The following POFUT4 variants were observed in gnomAD, a reference collection of about 807,000 sequenced individuals.
POFUT4 encodes the protein GDP-fucose protein O-fucosyltransferase 4.
chr10:73,772,816 C>T, the POFUT4 span: 1 of 1,612,050 alleles, frequency 6.2e-7, no homozygotes. Context: ...ACGGCCCGGG[C>T]ATCCGCCTCT....
chr10:73,778,391 CAAAA>C, the POFUT4 span, among the ~76,000 whole-genome samples: 1 of 43,064 alleles, frequency 2.3e-5, no homozygotes, highest in East Asian at 6.5e-4. Context: ...AACTCCATCC[CAAAA>C]AAAAAAAAAA....
At chr10:73,775,819 T>A in the POFUT4 span, 1 of 941,190 alleles carries the variant, frequency 1.1e-6, no homozygotes, top group Non-Finnish European at 1.6e-6. Flanking sequence ...CAGTTTTATC[T>A]ATTAAGATTT....
At chr10:73,775,106 G>A in the POFUT4 span, 2 of 339,032 alleles carry the variant, frequency 5.9e-6, no homozygotes, top group Non-Finnish European at 1.1e-5. Context: ...AAATATTCAG[G>A]TTATGTCTTT....
chr10:73,773,158 C>T, the POFUT4 span: 22 of 1,570,030 alleles, frequency 1.4e-5, no homozygotes, highest in Non-Finnish European at 1.7e-5. Context: ...CAGGGCCGCA[C>T]CCTCATGACA....
the POFUT4 span, chr10:73,773,257 C>T: frequency 1.2e-6 from 2 of 1,613,918 alleles, no homozygotes; most frequent in African/African-American, 1.3e-5. Context: ...GACACAGCCA[C>T]GGCCACCACC....
the POFUT4 span, chr10:73,773,287 C>T: frequency 5.0e-6 from 8 of 1,614,160 alleles, no homozygotes; most frequent in South Asian, 4.4e-5. Flanking sequence ...GAGCTCTTGG[C>T]TTTCTTGTCC....
At chr10:73,773,674 G>A in the POFUT4 span, 374 of 1,614,090 alleles carry the variant, frequency 2.3e-4, 1 homozygote, top group Non-Finnish European at 3.0e-4. Flanking sequence ...GAACTGGCTC[G>A]GCTGGATGCC....
chr10:73,775,673 G>T, the POFUT4 span: 5 of 1,614,188 alleles, frequency 3.1e-6, no homozygotes, highest in East Asian at 6.7e-5. Context: ...TCATGAAGAG[G>T]CAACATCTCT....
the POFUT4 span, chr10:73,779,671 ATTTAGAGTGCATAATTATTACAC>A: frequency 4.8e-4 from 73 of 152,366 alleles, no homozygotes; most frequent in African/African-American, 1.7e-3. Flanking sequence ...GCAGATGCTA[ATTTAGAGTGCATAATTATTACAC>A]AAGTACAGAC....
At chr10:73,775,655 T>G in the POFUT4 span, 1 of 1,614,212 alleles carries the variant, frequency 6.2e-7, no homozygotes, top group East Asian at 2.2e-5. Context: ...ATTACCTACA[T>G]GAAATCTTCA....
the POFUT4 span, chr10:73,775,553 G>A: frequency 3.1e-6 from 5 of 1,614,232 alleles, no homozygotes; most frequent in Non-Finnish European, 4.2e-6. Context: ...GGAAAGAGAT[G>A]TGGCTGCAAG....
the POFUT4 span, among the ~76,000 whole-genome samples, chr10:73,778,659 A>G: frequency 9.9e-5 from 15 of 152,196 alleles, no homozygotes; most frequent in African/African-American, 2.7e-4. Context: ...AGATGCTTCA[A>G]CAACTAGGGT....
At chr10:73,774,300 C>G in the POFUT4 span, 1 of 152,718 alleles carries the variant, frequency 6.5e-6, no homozygotes, top group South Asian at 2.1e-4. Context: ...TGTTAACCAG[C>G]CATAATTTTT....
chr10:73,772,451 G>C, the POFUT4 span: 1 of 1,562,124 alleles, frequency 6.4e-7, no homozygotes, highest in Non-Finnish European at 8.6e-7. Context: ...GGAGTGGGCG[G>C]AACCGTGGGA....
the POFUT4 span, chr10:73,775,239 A>G: frequency 4.9e-4 from 299 of 614,056 alleles, 1 homozygote; most frequent in Admixed American, 8.6e-4. Flanking sequence ...GGAGACTGCC[A>G]CTTCCAGTCT....
the POFUT4 span, chr10:73,772,497 C>A: frequency 6.4e-7 from 1 of 1,560,042 alleles, no homozygotes; most frequent in South Asian, 1.2e-5. Context: ...GCGCTGGGCG[C>A]AGTGGGGGTG....
At chr10:73,773,164 T>G in the POFUT4 span, 2 of 1,580,976 alleles carry the variant, frequency 1.3e-6, no homozygotes, top group Non-Finnish European at 1.7e-6. Flanking sequence ...CGCACCCTCA[T>G]GACAGCCTTA....
chr10:73,773,491 T>G, the POFUT4 span: 1 of 1,614,252 alleles, frequency 6.2e-7, no homozygotes, highest in Non-Finnish European at 8.5e-7. Context: ...GCAGAGTTTA[T>G]TGACTTTCTG....
the POFUT4 span, chr10:73,773,146 TCC>T: frequency 6.5e-7 from 1 of 1,546,602 alleles, no homozygotes; most frequent in South Asian, 1.2e-5. Context: ...TGTCCAGGCC[TCC>T]AGGGCCGCAC....
Sources: allele counts gnomAD v4.1 joint callset (sites outside exome capture counted in the v4.1 genomes callset), GRCh38; gene constraint gnomAD v4.1.1; transcripts MANE v1.5; gene names NCBI Gene and HGNC (gene_info 2026-07-23, HGNC 2026-07-21).